The following CADPS variants were observed in gnomAD, a reference collection of about 807,000 sequenced individuals.
CADPS encodes the protein calcium dependent secretion activator.
A neutral mutation model predicts 167.3 loss-of-function variants in CADPS; 57 were observed. That is an observed-to-expected ratio of 0.34 (90% confidence interval 0.28 to 0.42). The LOEUF is 0.42. Among genes scored for constraint, CADPS ranks in the 20% least tolerant of loss-of-function variants. The pLI is 1.00. For missense variants in CADPS, 1,414 were observed against 1,738.1 expected, an observed-to-expected ratio of 0.81 and a Z score of 3.32; for synonymous variants, 676 against 635.3, an observed-to-expected ratio of 1.06 and a Z score of -0.96.
intron 6 of CADPS, among the ~76,000 whole-genome samples, chr3:62,594,169 A>AT (rs199898999): frequency 0.48 from 62,416 of 129,548 alleles, 15,895 homozygotes; most frequent in East Asian, 0.64. Context: ...TTATTTATTT[A>AT]TTTATTTTTT....
intron 28 of CADPS, among the ~76,000 whole-genome samples, chr3:62,431,639 GA>G (rs913083125): frequency 6.0e-5 from 9 of 151,222 alleles, no homozygotes; most frequent in African/African-American, 2.2e-4. Flanking sequence ...TCAAGATCAT[GA>G]AAAAAGGGCC....
intron 7 of CADPS, among the ~76,000 whole-genome samples, chr3:62,585,630 C>T (rs758828193): frequency 2.0e-4 from 31 of 152,212 alleles, no homozygotes; most frequent in Non-Finnish European, 4.4e-4. Context: ...TTATTCTCTA[C>T]ATCTTTGTAT....
chr3:62,621,888 T>C (rs1291936274), intron 6 of CADPS, among the ~76,000 whole-genome samples: 1 of 108,172 alleles, frequency 9.2e-6, no homozygotes, highest in Non-Finnish European at 1.9e-5. Flanking sequence ...AAGGCAGTCC[T>C]ACTTACTTCT....
At chr3:62,565,114 AC>A (rs2079906657) in intron 9 of CADPS, among the ~76,000 whole-genome samples, 1 of 152,110 alleles carries the variant, frequency 6.6e-6, no homozygotes, top group African/African-American at 2.4e-5. Context: ...CATTAGAGTT[AC>A]TAACAGTAGT....
intron 1 of CADPS, among the ~76,000 whole-genome samples, chr3:62,803,391 C>T (rs976044178): frequency 4.0e-5 from 6 of 150,252 alleles, no homozygotes; most frequent in Non-Finnish European, 7.4e-5. Context: ...ATTTTGCTCA[C>T]CTCTTCCTCA....
At chr3:62,628,540 T>C (rs563744419) in intron 6 of CADPS, among the ~76,000 whole-genome samples, 5 of 152,156 alleles carry the variant, frequency 3.3e-5, no homozygotes, top group African/African-American at 1.2e-4. Context: ...ACCTAGATGC[T>C]ATCCTTGATT....
chr3:62,461,044 A>C (rs1038154056), intron 26 of CADPS, among the ~76,000 whole-genome samples: 2 of 152,140 alleles, frequency 1.3e-5, no homozygotes, highest in African/African-American at 4.8e-5. Context: ...CTACTCCTAC[A>C]TCTTTATTCC....
intron 28 of CADPS, among the ~76,000 whole-genome samples, chr3:62,415,160 C>T (rs536012672): frequency 5.3e-5 from 8 of 151,844 alleles, no homozygotes; most frequent in African/African-American, 1.9e-4. Flanking sequence ...ATAAAGTTGC[C>T]GAAATAGCAA....
At chr3:62,689,166 AG>A (rs2078629764) in intron 3 of CADPS, among the ~76,000 whole-genome samples, 1 of 152,066 alleles carries the variant, frequency 6.6e-6, no homozygotes, top group Non-Finnish European at 1.5e-5. Flanking sequence ...ATTTCCTTCA[AG>A]CACTAAAGTG....
intron 23 of CADPS, among the ~76,000 whole-genome samples, chr3:62,475,860 A>C (rs568139695): frequency 2.0e-5 from 3 of 152,190 alleles, no homozygotes; most frequent in Admixed American, 1.3e-4. Flanking sequence ...CAATTTGAGA[A>C]ATGGAAATGC....
At chr3:62,737,010 G>A (rs6793200) in intron 3 of CADPS, among the ~76,000 whole-genome samples, 48,818 of 151,554 alleles carry the variant, frequency 0.32, 8,530 homozygotes, top group African/African-American at 0.46. Flanking sequence ...ATGGTGGCAC[G>A]TGCTGTAGTC....
At chr3:62,735,604 G>A (rs1294310487) in intron 3 of CADPS, among the ~76,000 whole-genome samples, 1 of 152,114 alleles carries the variant, frequency 6.6e-6, no homozygotes, top group East Asian at 1.9e-4. Context: ...ACCCCTACAA[G>A]AGTTCAACCC....
chr3:62,561,755 T>A (rs541816494), intron 9 of CADPS, among the ~76,000 whole-genome samples: 29 of 152,308 alleles, frequency 1.9e-4, no homozygotes, highest in African/African-American at 6.5e-4. Flanking sequence ...TATGGGAGAC[T>A]AAAATACTTG....
At chr3:62,459,086 C>T (rs934529328) in intron 26 of CADPS, among the ~76,000 whole-genome samples, 4 of 152,158 alleles carry the variant, frequency 2.6e-5, no homozygotes, top group Non-Finnish European at 4.4e-5. Context: ...TTCTGAAACA[C>T]TAGGGAGTGG....
At chr3:62,431,546 T>TC (rs1228832504) in intron 28 of CADPS, among the ~76,000 whole-genome samples, 1 of 151,820 alleles carries the variant, frequency 6.6e-6, no homozygotes, top group South Asian at 2.1e-4. Context: ...TTTTTTTTTT[T>TC]CTCAGCAAAT....
intron 10 of CADPS, 83 bp from the exon 11 acceptor site, chr3:62,550,198 T>C: frequency 9.2e-7 from 1 of 1,085,716 alleles, no homozygotes; most frequent in Admixed American, 1.8e-5. Context: ...AAGCAGTTTC[T>C]GCTGCTTTTC....
At chr3:62,553,782 T>G (rs4688133) in intron 10 of CADPS, among the ~76,000 whole-genome samples, 1 of 152,140 alleles carries the variant, frequency 6.6e-6, no homozygotes, top group Admixed American at 6.5e-5. Flanking sequence ...GAAAGCAAAG[T>G]GAACATCCAC....
chr3:62,704,884 C>T (rs1029006016), intron 3 of CADPS, among the ~76,000 whole-genome samples: 5 of 152,222 alleles, frequency 3.3e-5, no homozygotes, highest in Middle Eastern at 3.4e-3. Flanking sequence ...GGAAAGATCT[C>T]TTTCCCTCTC....
In CADPS at chr3:62,544,933, C is replaced by T; in HGVS notation, c.1966+4970G>A. 2 of 930,032 alleles carry T rather than the reference C, an allele frequency of 2.2e-6. No homozygotes were observed. Among genetic ancestry groups the T allele is most frequent in the Non-Finnish European group, 2.8e-6 (2 of 718,612 alleles). The allele number at this position is 930,032 out of a possible 1,614,324, so 57.6% of individuals were successfully genotyped here. ...TAGCAACAAGGCTCAGGAAAGCAGA[C>T]AGGAGTTCTAACCTAGCAGCCTAAG... On this transcript the variant is annotated intron_variant, in intron 11 of 29. Transcript: ENST00000383710. This position sits in a 1 kb window ranked among gnomAD's most constrained non-coding sequence, Gnocchi z 4.4.
Sources: allele counts gnomAD v4.1 joint callset (sites outside exome capture counted in the v4.1 genomes callset), GRCh38; gene constraint gnomAD v4.1.1; non-coding constraint Gnocchi (gnomAD v3.1); transcripts MANE v1.5; gene names NCBI Gene and HGNC (gene_info 2026-07-23, HGNC 2026-07-21).